PSG11: variants seen among roughly 807,000 people sequenced by gnomAD.
PSG11 encodes the protein pregnancy-specific beta-1-glycoprotein 11.
A neutral mutation model predicts 36.0 loss-of-function variants in PSG11; 42 were observed. The ratio of observed to expected loss-of-function variants is 1.17; its 90% CI spans 0.91 to 1.51. PSG11 has a LOEUF of 1.51. Among genes scored for constraint, PSG11 ranks in the 40% most tolerant of loss-of-function variants. The pLI is 0.00. For synonymous variants in PSG11, 206 were observed against 153.5 expected (o/e 1.34, Z -2.53); for missense variants, 558 against 403.5 (o/e 1.38, Z -3.28).
chr19:43,019,886 C>T (rs1054831622), intron 2 of PSG11, among the ~76,000 whole-genome samples: 9 of 151,440 alleles, frequency 5.9e-5, no homozygotes, highest in African/African-American at 1.2e-4. Flanking sequence ...GTGGAAAGGG[C>T]AAACATGAAC....
At chr19:43,019,085 C>A (rs1967040808) in intron 2 of PSG11, 37 bp from the exon 3 acceptor site, 1 of 1,597,556 alleles carries the variant, frequency 6.3e-7, no homozygotes. Flanking sequence ...CCCTGTGTGG[C>A]ACCTTTGATT....
intron 2 of PSG11, among the ~76,000 whole-genome samples, chr19:43,021,213 A>G (rs1348537400): frequency 6.6e-6 from 1 of 151,330 alleles, no homozygotes; most frequent in Non-Finnish European, 1.5e-5. Context: ...GAATATGTTG[A>G]TCCACTTTTT....
chr19:43,016,004 G>A, intron 3 of PSG11: 1 of 1,610,160 alleles, frequency 6.2e-7, no homozygotes, highest in Non-Finnish European at 8.5e-7. Flanking sequence ...TTCTCCCTGG[G>A]GTTTAAGTTG....
intron 2 of PSG11, among the ~76,000 whole-genome samples, chr19:43,021,557 T>G (rs1267166493): frequency 6.6e-6 from 1 of 151,316 alleles, no homozygotes; most frequent in Non-Finnish European, 1.5e-5. Flanking sequence ...TTAACCATGT[T>G]AGCCAGGATG....
chr19:43,015,379 A>G lies in PSG11; in HGVS notation c.710-9T>C, dbSNP rs1256212921. 1.2e-6 allele frequency: 2 copies of G among 1,605,308 alleles called. No homozygotes were observed. The highest frequency in any genetic ancestry group is 1.7e-6 in the Non-Finnish European group (2 of 1,175,314). On this transcript the variant is annotated splice_polypyrimidine_tract_variant and intron_variant, in intron 3 of 5. Transcript: ENST00000320078. ...GGGGAGGTCTGGACCATCTGGAGGA[A>G]AGAGAATAAAGCCACAGTTGATGTC...
At chr19:43,023,026 G>C (rs1042547050) in intron 2 of PSG11, among the ~76,000 whole-genome samples, 2 of 150,870 alleles carry the variant, frequency 1.3e-5, no homozygotes, top group African/African-American at 2.5e-5. Flanking sequence ...GAGACACCAT[G>C]GCAGTGAGCA....
At position 43,024,836 on chromosome 19, in the gene PSG11, G is replaced by A; in HGVS notation, c.285C>T (p.Tyr95=). The A allele has an allele frequency of 1.2e-6, 2 of 1,611,844 alleles. No individual in the cohort carries two copies. The highest frequency in any genetic ancestry group is 8.5e-7 in the Non-Finnish European group (1 of 1,179,118). ...TGGAATATACTGTTTCTCGTCCACT[G>A]TATGCCGGTCCATATATAATTATTT... ...DGQIIIYGPA[Y]SGRETVYSNA... Residue 95 remains tyrosine (Y), a synonymous_variant, in exon 2 of 6, where the codon TAC becomes TAT. Coordinates refer to ENST00000320078, the MANE Select transcript of PSG11 (RefSeq NM_002785.3).
At position 43,018,470 on chromosome 19, in the gene PSG11, A is replaced by G. The variant is rs1337098770; in HGVS notation, c.709+300T>C. 2.2e-5 allele frequency: 13 copies of G among 594,164 alleles called. 1 individual carries two copies. Among genetic ancestry groups the G allele is most frequent in the Non-Finnish European group, 3.6e-5 (13 of 357,920 alleles). 36.8% of individuals were successfully genotyped at this position (594,164 alleles called of 1,614,324 possible). ...GTGACCCTGTGAGCCAAGTCGCAAG[A>G]CTGAAGTCCCAGCCAAATCCTCGCT... On this transcript the variant is annotated intron_variant, in intron 3 of 5. Coordinates refer to ENST00000320078, the MANE Select transcript of PSG11 (RefSeq NM_002785.3).
rs1046437005 is a variant in PSG11, at chr19:43,008,501, C to T, written c.*41-459G>A. Among the ~76,000 whole-genome samples the T allele has an allele frequency of 6.0e-5, 9 of 151,138 alleles. 1 individual carries two copies. Among genetic ancestry groups the T allele is most frequent in the African/African-American group, 2.2e-4 (9 of 40,902 alleles). ...CTGTGTTAGCCAGGAAGGTCTGGAT[C>T]TCCTGACCTTATGATCCACCCACCT... is the stretch of plus-strand genomic sequence containing the variant. On this transcript the variant is annotated intron_variant, in intron 5 of 5. Transcript: ENST00000320078.
chr19:43,010,155 C>T lies in PSG11; in HGVS notation c.965-114G>A, dbSNP rs998378168. On this transcript the variant is annotated intron_variant, in intron 4 of 5. Coordinates refer to ENST00000320078, the MANE Select transcript of PSG11 (RefSeq NM_002785.3). ...TGTATAATTGTTTCTTCAAGGACTACATTATTTCTGTTGGAAAATTGATGG... is the reference window on the plus strand; with the variant it reads ...TGTATAATTGTTTCTTCAAGGACTATATTATTTCTGTTGGAAAATTGATGG... 16 of 1,474,044 alleles carry T rather than the reference C, an allele frequency of 1.1e-5. 1 individual carries two copies. In the African/African-American group the frequency reaches 2.2e-4, roughly 20 times the overall value. 91.3% of individuals were successfully genotyped at this position (1,474,044 alleles called of 1,614,324 possible).
chr19:43,009,269 A>G (rs1974011747), intron 5 of PSG11, among the ~76,000 whole-genome samples: 1 of 151,268 alleles, frequency 6.6e-6, no homozygotes, highest in African/African-American at 2.4e-5. Context: ...CCACGAGGTC[A>G]GATGTTGCTT....
chr19:43,016,112 A>G lies in PSG11; in HGVS notation c.710-742T>C, dbSNP rs929609609. On this transcript the variant is annotated intron_variant, in intron 3 of 5. Coordinates refer to ENST00000320078, the MANE Select transcript of PSG11 (RefSeq NM_002785.3). ...TTGATTCCTCCACAGGCATCCTTCA[A>G]TCAGAGTTGGCATCTCCCACCTCTC... 27 of 1,545,266 alleles carry G rather than the reference A, an allele frequency of 1.7e-5. No homozygotes were observed. The African/African-American group carries it at 2.6e-4, about 15-fold the overall frequency.
At chr19:43,016,485 C>A (rs2354821) in intron 3 of PSG11, among the ~76,000 whole-genome samples, 14 of 150,350 alleles carry the variant, frequency 9.3e-5, no homozygotes, top group African/African-American at 3.4e-4. Context: ...TTCTAGAGAT[C>A]AGTAATAATG....
At chr19:43,009,457 GT>G (rs1207916875) in intron 5 of PSG11, among the ~76,000 whole-genome samples, 2 of 151,356 alleles carry the variant, frequency 1.3e-5, no homozygotes, top group African/African-American at 4.9e-5. Context: ...GGTAAAGGAA[GT>G]GAGAAGGCTT....
At chr19:43,015,526 C>T (rs1966940835) in intron 3 of PSG11, among the ~76,000 whole-genome samples, 156 bp from the exon 4 acceptor site, 1 of 151,372 alleles carries the variant, frequency 6.6e-6, no homozygotes. Flanking sequence ...CTGAAGTATT[C>T]ACCTGTTTCT....
intron 4 of PSG11, chr19:43,010,360 A>C: frequency 6.5e-7 from 1 of 1,534,996 alleles, no homozygotes; most frequent in Non-Finnish European, 8.7e-7. Context: ...TCATGGTTGC[A>C]TCTTTTTCTC....
At chr19:43,017,514 G>A (rs1966996627) in intron 3 of PSG11, 2 of 151,412 alleles carry the variant, frequency 1.3e-5, no homozygotes, top group African/African-American at 4.9e-5. Flanking sequence ...AAGGCTGATT[G>A]CTATTTTCTA....
At chr19:43,026,265 T>C (rs1055566586) in intron 1 of PSG11, 44 bp downstream of exon 1, 2 of 1,607,456 alleles carry the variant, frequency 1.2e-6, no homozygotes, top group East Asian at 2.2e-5. Flanking sequence ...ATCCAGTCAC[T>C]CTGCTTCCTC....
At chr19:43,021,328 C>T (rs115768108) in intron 2 of PSG11, among the ~76,000 whole-genome samples, 2,307 of 151,300 alleles carry the variant, frequency 0.015, 114 homozygotes, top group East Asian at 0.096. Context: ...TACCAGTAAG[C>T]ATCAAAAGAA....
Sources: gnomAD v4.1 joint callset for allele counts (sites outside exome capture counted in the v4.1 genomes callset) on GRCh38, gnomAD v4.1.1 for gene constraint, MANE v1.5 for transcripts, NCBI Gene and HGNC (gene_info 2026-07-23, HGNC 2026-07-21) for gene names.